The following RBM20 variants were observed in gnomAD, a reference collection of about 807,000 sequenced individuals.
RBM20 encodes RNA-binding protein 20.
In RBM20, 51 loss-of-function variants were observed where a neutral mutation model predicts 110.1. The ratio of observed to expected loss-of-function variants is 0.46; its 90% CI spans 0.37 to 0.59. RBM20 has a LOEUF of 0.59. RBM20 is among the 20% of genes least tolerant of loss of function. The pLI, the probability that RBM20 is intolerant of heterozygous loss-of-function variation, is 0.00. For synonymous variants in RBM20, 589 were observed against 618.2 expected (o/e 0.95, Z 0.70); for missense variants, 1,512 against 1,574.9 (o/e 0.96, Z 0.68).
At chr10:110,741,043 C>T (rs376212017) in intron 1 of RBM20, among the ~76,000 whole-genome samples, 8 of 152,104 alleles carry the variant, frequency 5.3e-5, no homozygotes, top group East Asian at 1.9e-4. Context: ...CACTTCCTGA[C>T]GATTCAAGAT....
At chr10:110,797,737 T>G (rs976756304) in intron 6 of RBM20, 89 bp downstream of exon 6, 4 of 1,393,366 alleles carry the variant, frequency 2.9e-6, no homozygotes, top group African/African-American at 2.9e-5. Flanking sequence ...GAAGCCATTC[T>G]TAACATAAAG....
At chr10:110,782,921 G>A (rs1844372770) in intron 2 of RBM20, among the ~76,000 whole-genome samples, 1 of 152,124 alleles carries the variant, frequency 6.6e-6, no homozygotes, top group South Asian at 2.1e-4. Context: ...ACACGGGGAG[G>A]TGCTCAAGGA....
At chr10:110,760,425 CTTTTTTTTTTTTTTTTTTT>C (rs541027608) in intron 1 of RBM20, among the ~76,000 whole-genome samples, 1 of 57,818 alleles carries the variant, frequency 1.7e-5, no homozygotes, top group African/African-American at 6.4e-5. Flanking sequence ...ATTCCATCAT[CTTTTTTTTTTTTTTTTTTT>C]TTTTTTTTTG....
At chr10:110,802,857 A>G (rs185297187) in intron 7 of RBM20, among the ~76,000 whole-genome samples, 2 of 152,358 alleles carry the variant, frequency 1.3e-5, no homozygotes, top group Admixed American at 1.3e-4. Context: ...AGATTGGAAG[A>G]TGGTGATGTC....
chr10:110,689,637 C>A (rs1862556771), intron 1 of RBM20, among the ~76,000 whole-genome samples: 1 of 146,574 alleles, frequency 6.8e-6, no homozygotes, highest in South Asian at 2.3e-4. Flanking sequence ...CTTTAAAAAT[C>A]TAGGGAGTTT....
intron 1 of RBM20, among the ~76,000 whole-genome samples, chr10:110,705,989 G>A (rs1313530857): frequency 6.6e-6 from 1 of 152,046 alleles, no homozygotes. Context: ...GGCTGAGGTG[G>A]GAGAATCGCT....
intron 5 of RBM20, among the ~76,000 whole-genome samples, chr10:110,789,714 T>C (rs1309173363): frequency 6.6e-6 from 1 of 152,124 alleles, no homozygotes; most frequent in Non-Finnish European, 1.5e-5. Flanking sequence ...TTGTATGCTG[T>C]GTTTGCTGTT....
chr10:110,716,045 A>G (rs1364074252), intron 1 of RBM20, among the ~76,000 whole-genome samples: 1 of 152,262 alleles, frequency 6.6e-6, no homozygotes, highest in Non-Finnish European at 1.5e-5. Context: ...CTCAGGAAGT[A>G]TCACATTCTT....
At chr10:110,827,281 T>G (rs1423985702) in intron 12 of RBM20, among the ~76,000 whole-genome samples, 1 of 151,992 alleles carries the variant, frequency 6.6e-6, no homozygotes, top group Non-Finnish European at 1.5e-5. Flanking sequence ...CTTGGGAGGC[T>G]GAGGGAGGAG....
chr10:110,682,331 A>C (rs1177532586), intron 1 of RBM20, among the ~76,000 whole-genome samples: 1 of 152,146 alleles, frequency 6.6e-6, no homozygotes, highest in Non-Finnish European at 1.5e-5. Context: ...ATTTTTGAAG[A>C]GTATTGGTCA....
chr10:110,701,723 G>A (rs978844887), intron 1 of RBM20, among the ~76,000 whole-genome samples: 10 of 152,186 alleles, frequency 6.6e-5, no homozygotes, highest in Non-Finnish European at 1.0e-4. Flanking sequence ...CACAGAGGCC[G>A]TGACATTCCT....
At chr10:110,749,384 T>C (rs1843824760) in intron 1 of RBM20, among the ~76,000 whole-genome samples, 1 of 151,968 alleles carries the variant, frequency 6.6e-6, no homozygotes, top group Non-Finnish European at 1.5e-5. Context: ...AAAGATACAG[T>C]TCACAATAAC....
intron 1 of RBM20, among the ~76,000 whole-genome samples, chr10:110,717,312 C>T (rs1863034102): frequency 6.6e-6 from 1 of 152,198 alleles, no homozygotes; most frequent in African/African-American, 2.4e-5. Context: ...TTGGGACCTT[C>T]AAATCTCATA....
chr10:110,662,972 C>CTT (rs965166478), intron 1 of RBM20, among the ~76,000 whole-genome samples: 9 of 147,212 alleles, frequency 6.1e-5, no homozygotes, highest in African/African-American at 2.0e-4. Flanking sequence ...TTCTTTCTTT[C>CTT]TTTTTTTTTT....
intron 1 of RBM20, among the ~76,000 whole-genome samples, chr10:110,759,180 C>T (rs929069139): frequency 2.6e-5 from 4 of 152,198 alleles, no homozygotes; most frequent in Admixed American, 6.5e-5. Flanking sequence ...GTTCTGGGAA[C>T]GAATCCTGCC....
chr10:110,672,598 G>C (rs1590608286), intron 1 of RBM20, among the ~76,000 whole-genome samples: 1 of 152,360 alleles, frequency 6.6e-6, no homozygotes, highest in East Asian at 1.9e-4. Flanking sequence ...CGGTTCTCCA[G>C]CGACCCCTGA....
At chr10:110,709,242 T>G (rs1210205153) in intron 1 of RBM20, among the ~76,000 whole-genome samples, 1 of 152,128 alleles carries the variant, frequency 6.6e-6, no homozygotes, top group Non-Finnish European at 1.5e-5. Context: ...GCTAATGCCC[T>G]CCTGCTGCTT....
intron 1 of RBM20, among the ~76,000 whole-genome samples, chr10:110,753,763 C>G (rs1370153403): frequency 6.6e-6 from 1 of 152,250 alleles, no homozygotes; most frequent in Non-Finnish European, 1.5e-5. Context: ...CAGAGCTGCG[C>G]TCCATCTGCA....
chr10:110,813,405 T>G (rs1844800621), intron 9 of RBM20, among the ~76,000 whole-genome samples: 1 of 152,220 alleles, frequency 6.6e-6, no homozygotes, highest in Non-Finnish European at 1.5e-5. Flanking sequence ...TTTGGTTCAT[T>G]CTGTCCTCCC....
Sources: gnomAD v4.1 joint callset for allele counts (sites outside exome capture counted in the v4.1 genomes callset) on GRCh38, gnomAD v4.1.1 for gene constraint, MANE v1.5 for transcripts, NCBI Gene and HGNC (gene_info 2026-07-23, HGNC 2026-07-21) for gene names.